Variants in ZNF385D observed in about 807,000 individuals in gnomAD.
ZNF385D encodes the protein zinc finger protein 659.
A neutral mutation model predicts 35.8 loss-of-function variants in ZNF385D; 15 were observed. The observed-to-expected ratio is 0.42, with a 90% CI of 0.28 to 0.64. ZNF385D has a LOEUF of 0.64. ZNF385D is among the 30% of genes least tolerant of loss of function. The pLI is 0.23. For missense variants in ZNF385D, 474 were observed against 494.6 expected, an observed-to-expected ratio of 0.96 and a Z score of 0.39; for synonymous variants, 212 against 186.8, an observed-to-expected ratio of 1.13 and a Z score of -1.10.
In ZNF385D at chr3:21,830,730, C is replaced by T. The variant is rs571565613; in HGVS notation, c.326-165702G>A. Among the ~76,000 whole-genome samples, 3 of 152,240 alleles carry T rather than the reference C, an allele frequency of 2.0e-5. No individual in the cohort carries two copies. In the South Asian group the frequency reaches 6.2e-4, roughly 32 times the overall value. On this transcript the variant is annotated intron_variant, in intron 3 of 5. Transcript: ENST00000494108. ...GTGTTCCTTGTTGTGATTTCCTTGG[C>T]AAATGTTTGTGCCTGGAAATTTTGC...
chr3:22,268,559 A>G (rs1209702856), intron 2 of ZNF385D, among the ~76,000 whole-genome samples: 5 of 152,054 alleles, frequency 3.3e-5, no homozygotes, highest in Admixed American at 3.3e-4. Flanking sequence ...GTAAGGGGCA[A>G]TATGCATGCA....
intron 3 of ZNF385D, among the ~76,000 whole-genome samples, chr3:22,003,343 A>T (rs1239296095): frequency 6.6e-6 from 1 of 152,192 alleles, no homozygotes; most frequent in Non-Finnish European, 1.5e-5. Flanking sequence ...CAAAAAAAGC[A>T]TAATTCCTGT....
intron 3 of ZNF385D, among the ~76,000 whole-genome samples, chr3:22,139,380 G>C (rs1214918089): frequency 1.3e-5 from 2 of 152,128 alleles, no homozygotes; most frequent in Non-Finnish European, 2.9e-5. Flanking sequence ...GTCCAACAAT[G>C]ATAGACTGGA....
intron 3 of ZNF385D, among the ~76,000 whole-genome samples, chr3:22,122,485 C>T (rs1703142585): frequency 6.6e-6 from 1 of 151,878 alleles, no homozygotes; most frequent in African/African-American, 2.4e-5. Flanking sequence ...TCTAATCATA[C>T]TAAAAATATT....
At chr3:22,202,678 A>T (rs1286485766) in intron 2 of ZNF385D, among the ~76,000 whole-genome samples, 2 of 152,160 alleles carry the variant, frequency 1.3e-5, no homozygotes, top group Non-Finnish European at 2.9e-5. Flanking sequence ...TGGAATTGCC[A>T]GTACTTCCCC....
intron 3 of ZNF385D, among the ~76,000 whole-genome samples, chr3:21,884,687 T>C (rs1698450501): frequency 6.6e-6 from 1 of 152,088 alleles, no homozygotes; most frequent in Non-Finnish European, 1.5e-5. Flanking sequence ...TATTTGTGTG[T>C]ATTTCATCTG....
chr3:21,749,435 A>G (rs1464639755), intron 1 of ZNF385D, among the ~76,000 whole-genome samples: 1 of 152,162 alleles, frequency 6.6e-6, no homozygotes. Flanking sequence ...CTAAAATTAT[A>G]ATCTGTTTCA....
At chr3:21,844,246 A>AT (rs1337246050) in intron 3 of ZNF385D, among the ~76,000 whole-genome samples, 1 of 151,846 alleles carries the variant, frequency 6.6e-6, no homozygotes, top group Non-Finnish European at 1.5e-5. Context: ...TTTTGTTATT[A>AT]TTTTTTATTG....
At chr3:21,693,818 A>T (rs757605053) in intron 1 of ZNF385D, among the ~76,000 whole-genome samples, 1 of 151,512 alleles carries the variant, frequency 6.6e-6, no homozygotes, top group Non-Finnish European at 1.5e-5. Context: ...AAGAGAGTCA[A>T]CTCCAGACAA....
intron 1 of ZNF385D, among the ~76,000 whole-genome samples, chr3:21,686,714 G>T (rs2067116761): frequency 6.6e-6 from 1 of 152,122 alleles, no homozygotes; most frequent in Non-Finnish European, 1.5e-5. Context: ...GTGGCTAGTG[G>T]CTATTGTGTT....
intron 2 of ZNF385D, among the ~76,000 whole-genome samples, chr3:21,566,804 A>ACTAT (rs1261649165): frequency 2.6e-5 from 4 of 152,176 alleles, no homozygotes; most frequent in African/African-American, 9.7e-5. Context: ...GACCTTTTCC[A>ACTAT]CTATCTGGAC....
chr3:21,923,496 C>T (rs1281998236), intron 3 of ZNF385D, among the ~76,000 whole-genome samples: 2 of 152,142 alleles, frequency 1.3e-5, no homozygotes, highest in Non-Finnish European at 1.5e-5. Flanking sequence ...GACCAGCAAT[C>T]CCATTACTGC....
intron 3 of ZNF385D, among the ~76,000 whole-genome samples, chr3:22,131,614 A>G (rs186072771): frequency 4.1e-4 from 62 of 152,322 alleles, no homozygotes; most frequent in Admixed American, 1.0e-3. Context: ...GAGCAAAGGT[A>G]TAAGTGGAAG....
At chr3:21,910,727 G>C (rs1425067238) in intron 3 of ZNF385D, among the ~76,000 whole-genome samples, 1 of 151,478 alleles carries the variant, frequency 6.6e-6, no homozygotes, top group Non-Finnish European at 1.5e-5. Context: ...CAGGGGACGG[G>C]GGGCAGAGAA....
At chr3:22,120,479 T>C (rs1280697212) in intron 3 of ZNF385D, among the ~76,000 whole-genome samples, 1 of 152,102 alleles carries the variant, frequency 6.6e-6, no homozygotes, top group Non-Finnish European at 1.5e-5. Flanking sequence ...TCAAATAGTG[T>C]CACACTGGGG....
intron 3 of ZNF385D, among the ~76,000 whole-genome samples, chr3:21,817,071 C>G (rs1163594825): frequency 2.6e-5 from 4 of 152,080 alleles, no homozygotes; most frequent in Non-Finnish European, 4.4e-5. Flanking sequence ...CTGACAAAAA[C>G]AAGAAATGGG....
chr3:22,372,367 G>C lies in ZNF385D; in HGVS notation c.106+83C>G, dbSNP rs76011676. The C allele has an allele frequency of 2.4e-3, 2,120 of 900,204 alleles. 35 individuals carry two copies. In the African/African-American group the frequency reaches 0.035, roughly 15 times the overall value. 55.8% of individuals were successfully genotyped at this position (900,204 alleles called of 1,614,324 possible). On this transcript the variant is annotated intron_variant, in intron 2 of 5. Coordinates refer to the ZNF385D transcript ENST00000494108. ...AGCCCCTCGCGCCTGGTATCCCGCA[G>C]GGGCGCAACCCTAGCTCCTTGCCCG...
intron 3 of ZNF385D, among the ~76,000 whole-genome samples, chr3:21,975,702 A>AATATATATATATATATAT (rs56303677): frequency 3.2e-5 from 4 of 124,030 alleles, no homozygotes; most frequent in Admixed American, 9.9e-5. Context: ...GTACCCACGA[A>AATATATATATATATATAT]ATATATATAT....
In ZNF385D at chr3:21,465,537, C is replaced by T. The variant is rs1703456171; in HGVS notation, c.440-28334G>A. ...CCTAAAAGAATGAATCAGTCAGGAG[C>T]GATACATGTTGATTATCACAGGGCA... On this transcript the variant is annotated intron_variant, in intron 4 of 7. Coordinates refer to ENST00000281523, the MANE Select transcript of ZNF385D (RefSeq NM_024697.3). This position sits in a 1 kb window ranked among gnomAD's most constrained non-coding sequence, Gnocchi z 4.2. Among the ~76,000 whole-genome samples, 1 of 152,098 alleles carries T rather than the reference C, an allele frequency of 6.6e-6. No homozygotes were observed.
Sources: allele counts gnomAD v4.1 joint callset (sites outside exome capture counted in the v4.1 genomes callset), GRCh38; gene constraint gnomAD v4.1.1; non-coding constraint Gnocchi (gnomAD v3.1); transcripts MANE v1.5; gene names NCBI Gene and HGNC (gene_info 2026-07-23, HGNC 2026-07-21).